The following DHPS variants were observed in gnomAD, a reference collection of about 807,000 sequenced individuals.
DHPS encodes the protein migration-inducing gene 13.
DHPS carries 24 observed loss-of-function variants against 38.7 expected under a neutral mutation model. That is an observed-to-expected ratio of 0.62 (90% CI 0.45 to 0.87). The LOEUF is 0.87. DHPS is among the 40% of genes least tolerant of loss of function. The pLI is 0.00. For missense variants in DHPS, 510 were observed against 497.6 expected (o/e 1.02, Z -0.24); for synonymous variants, 250 against 204.4 (o/e 1.22, Z -1.90).
At chr19:12,673,947 G>A (rs1163341268), downstream of DHPS, among the ~76,000 whole-genome samples, 3 of 152,136 alleles carry the variant, frequency 2.0e-5, no homozygotes, top group Non-Finnish European at 2.9e-5. Flanking sequence ...TGATTCACCC[G>A]CCTCGGCCTC....
Position 12,676,049 on chromosome 19 carries a change from C to T in DHPS, c.982G>A (p.Gly328Ser). The stretch of plus-strand genomic sequence containing the variant: ...GGCTGTGCATCCACCCGGATCTTGC[C>T]CCAGGAGACAGCCTCGTCTGGTCGG... ...GARPDEAVSWGKIRVDAQPVK... is the reference protein window; with the variant it reads ...GARPDEAVSWSKIRVDAQPVK... The change falls in exon 8 of 9, where the codon GGC becomes AGC. Residue 328 changes from glycine to serine, a missense_variant. By Grantham distance (56) the Gly-to-Ser change is moderately conservative. Coordinates refer to ENST00000210060, the MANE Select transcript of DHPS (RefSeq NM_001930.4). 5.0e-6 allele frequency: 8 copies of T among 1,614,080 alleles called. No homozygotes were observed. The highest frequency in any genetic ancestry group is 2.2e-5 in the South Asian group (2 of 91,088).
At chr19:12,680,545 T>G (rs1012298177) in intron 1 of DHPS, among the ~76,000 whole-genome samples, 1 of 151,726 alleles carries the variant, frequency 6.6e-6, no homozygotes, top group Non-Finnish European at 1.5e-5. Flanking sequence ...CTTTTTTTTT[T>G]TTTTTTGGAC....
downstream of DHPS, chr19:12,673,176 A>G (rs1278949437): frequency 6.2e-7 from 1 of 1,613,330 alleles, no homozygotes; most frequent in Admixed American, 1.7e-5. Context: ...GAGAGGACCA[A>G]GCCCCCCGAT....
In DHPS at chr19:12,680,353, G is replaced by A. The variant is rs1458815957; in HGVS notation, c.208-28C>T. On this transcript the variant is annotated intron_variant, in intron 1 of 8. Coordinates refer to ENST00000210060, the MANE Select transcript of DHPS (RefSeq NM_001930.4). The stretch of plus-strand genomic sequence containing the variant: ...GTGAGTAAGGGCCAAGTCAAGTTAA[G>A]CACTGGCCTTAAATCCCAGACTCAG... 3 of 1,613,112 alleles carry A rather than the reference G, an allele frequency of 1.9e-6. No homozygotes were observed. In the South Asian group the frequency reaches 3.3e-5, roughly 18 times the overall value.
chr19:12,672,702 C>T (rs1488592306), downstream of DHPS: 5 of 800,304 alleles, frequency 6.2e-6, no homozygotes, highest in East Asian at 1.1e-4. Flanking sequence ...CGTAATTGGC[C>T]CTGGGCCTGA....
At chr19:12,676,329 CTG>C (rs934607073) in intron 7 of DHPS, 187 bp from the exon 8 acceptor site, 16 of 744,358 alleles carry the variant, frequency 2.1e-5, no homozygotes, top group East Asian at 1.1e-4. Context: ...GCAACGATGG[CTG>C]TGTTTCCCCA....
At position 12,679,725 on chromosome 19, in the gene DHPS, A is replaced by G; in HGVS notation, c.495-6T>C. On this transcript the variant is annotated splice_region_variant and splice_polypyrimidine_tract_variant and intron_variant, in intron 3 of 8. Coordinates refer to ENST00000210060, the MANE Select transcript of DHPS (RefSeq NM_001930.4). ...GCACCAGCAGGTTTCCGATCCTGAG[A>G]ACAGGAGGCATGTAGGCATCAGGCC... is the stretch of plus-strand genomic sequence containing the variant. 1 of 1,614,112 alleles carries G rather than the reference A, an allele frequency of 6.2e-7. No homozygotes were observed. The highest frequency in any genetic ancestry group is 8.5e-7 in the Non-Finnish European group (1 of 1,180,004).
chr19:12,680,313 GCTT>G lies in DHPS; in HGVS notation c.217_219del (p.Lys73del), dbSNP rs1464218039. On this transcript the variant is annotated inframe_deletion, in exon 2 of 9. Transcript: ENST00000210060. Reference sequence around the variant, plus strand: ...TCTTCATCCTGTGACAGTGGTTCCAGCTTCTTCTCGATCTGTGAGTAAGGGCCA... The same window carrying G: ...TCTTCATCCTGTGACAGTGGTTCCAGCTTCTCGATCTGTGAGTAAGGGCCA... 5.6e-6 allele frequency: 9 copies of G among 1,614,162 alleles called. No individual in the cohort carries two copies. The highest frequency in any genetic ancestry group is 7.6e-6 in the Non-Finnish European group (9 of 1,180,036).
downstream of DHPS, chr19:12,672,834 C>T (rs1439838908): frequency 9.5e-6 from 15 of 1,572,228 alleles, no homozygotes; most frequent in Admixed American, 3.7e-5. Context: ...GCTGGATCTA[C>T]CCTCTCCTGC....
downstream of DHPS, chr19:12,672,733 G>A: frequency 8.9e-7 from 1 of 1,124,576 alleles, no homozygotes; most frequent in South Asian, 1.4e-5. Context: ...CAGAGCTTCA[G>A]AATTCCACTC....
rs768835009 is a variant in DHPS at position 12,675,810 on chromosome 19, G to A, written c.*28C>T. The stretch of plus-strand genomic sequence containing the variant: ...CTGCAAATTAATAAATAGAAGAGGG[G>A]GTAAGACCTTCCTGGGACCGCAGCC... On this transcript the variant is annotated 3_prime_UTR_variant, in exon 9 of 9. Coordinates refer to ENST00000210060, the MANE Select transcript of DHPS (RefSeq NM_001930.4). The A allele has an allele frequency of 5.1e-6, 8 of 1,574,576 alleles. No individual in the cohort carries two copies. The highest frequency in any genetic ancestry group is 2.3e-5 in the East Asian group (1 of 44,400).
chr19:12,675,713 G>A (rs937078506), downstream of DHPS: 3 of 1,592,238 alleles, frequency 1.9e-6, no homozygotes, highest in African/African-American at 1.3e-5. Context: ...CCGAGACACA[G>A]ACATGGAAGG....
rs752199073 is a variant in DHPS, at chr19:12,681,732, C to T, written c.35G>A (p.Gly12Glu). Residue 12 changes from glycine (G) to glutamate (E), a missense_variant, in exon 1 of 9, where the codon GGG (glycine) becomes GAG (glutamate). By Grantham distance (98) the Gly-to-Glu change is moderately conservative. Transcript: ENST00000210060. The stretch of plus-strand genomic sequence containing the variant: ...GTGCTTTAGCACGGCGGCCAGCGCC[C>T]CCGCTGGCGCCTCCCGTTCCAGGGA... ...EGSLEREAPA[G>E]ALAAVLKHSS... The T allele has an allele frequency of 2.5e-6, 4 of 1,612,336 alleles. No homozygotes were observed. The highest frequency in any genetic ancestry group is 3.4e-6 in the Non-Finnish European group (4 of 1,179,918).
intron 1 of DHPS, chr19:12,681,230 AG>A: frequency 8.0e-7 from 1 of 1,256,356 alleles, no homozygotes; most frequent in Non-Finnish European, 1.0e-6. Context: ...GCCCAGACTT[AG>A]GCTCCTCCTC....
In DHPS at chr19:12,679,492, TG is replaced by T. The variant is rs1568319139; in HGVS notation, c.642del (p.Asn215ThrfsTer30). 3 of 1,614,178 alleles carry T rather than the reference TG, an allele frequency of 1.9e-6. No homozygotes were observed. The highest frequency in any genetic ancestry group is 2.5e-6 in the Non-Finnish European group (3 of 1,180,018). ...SKMIARLGKE[I>X]NNPESVYYWA... ...CAGTAATACACGGACTCTGGGTTGT[TG>T]ATCTCCTTGCCCAGCCGGGCGATCA... On this transcript the variant is annotated frameshift_variant, in exon 5 of 9. Transcript: ENST00000210060. LOFTEE classifies it high-confidence loss of function.
chr19:12,678,258 C>CA (rs200039394), intron 5 of DHPS, among the ~76,000 whole-genome samples: 1,216 of 114,270 alleles, frequency 0.011, 8 homozygotes, highest in Non-Finnish European at 0.015. Context: ...AACTCCGTCT[C>CA]AAAAAAAAAA....
intron 2 of DHPS, 106 bp from the exon 3 acceptor site, chr19:12,680,028 C>G: frequency 6.4e-7 from 1 of 1,555,914 alleles, no homozygotes; most frequent in Non-Finnish European, 8.7e-7. Flanking sequence ...TGAGGGAGCT[C>G]TGCTACAAAA....
chr19:12,677,337 G>C lies in DHPS; in HGVS notation c.738C>G (p.Phe246Leu), dbSNP rs747003113. The C allele has an allele frequency of 6.2e-7, 1 of 1,614,210 alleles. No homozygotes were observed. The highest frequency in any genetic ancestry group is 1.1e-5 in the South Asian group (1 of 91,084). ...GGCCCGGGTTCTTGTAGGAATGGAA[G>C]AAGATCATGTCGCCCAGCGAGCCGT... The part of the protein sequence containing the change: ...LTDGSLGDMI[F>L]FHSYKNPGLV... The change falls in exon 6 of 9, where the codon TTC becomes TTG. Residue 246 changes from phenylalanine (F) to leucine (L), a missense_variant. By Grantham distance (22) the Phe-to-Leu change is conservative. Coordinates refer to ENST00000210060, the MANE Select transcript of DHPS (RefSeq NM_001930.4).
downstream of DHPS, among the ~76,000 whole-genome samples, chr19:12,673,637 TA>T (rs1216732240): frequency 6.6e-6 from 1 of 150,618 alleles, no homozygotes; most frequent in Non-Finnish European, 1.5e-5. Context: ...AGGCTGGTCT[TA>T]AACTCCTGAC....
Sources: gnomAD v4.1 joint callset for allele counts (sites outside exome capture counted in the v4.1 genomes callset) on GRCh38, gnomAD v4.1.1 for gene constraint, MANE v1.5 for transcripts, NCBI Gene and HGNC (gene_info 2026-07-23, HGNC 2026-07-21) for gene names.